TMEM132D: variants seen among roughly 807,000 people sequenced by gnomAD.
TMEM132D encodes transmembrane protein 132D, also known as mature OL transmembrane protein.
TMEM132D carries 21 observed loss-of-function variants against 62.3 expected under a neutral mutation model. The ratio of observed to expected loss-of-function variants is 0.34; its 90% CI spans 0.24 to 0.49. TMEM132D has a LOEUF of 0.49. Ranked by LOEUF, TMEM132D falls within the 20% of genes least tolerant of loss-of-function variation. The pLI is 0.99. For synonymous variants in TMEM132D, 621 were observed against 575.6 expected, an observed-to-expected ratio of 1.08 and a Z score of -1.13; for missense variants, 1,346 against 1,402.8, an observed-to-expected ratio of 0.96 and a Z score of 0.65.
intron 2 of TMEM132D, among the ~76,000 whole-genome samples, chr12:129,697,378 T>G (rs1881233739): frequency 6.6e-6 from 1 of 152,214 alleles, no homozygotes; most frequent in African/African-American, 2.4e-5. Flanking sequence ...ATTATAGGGA[T>G]TCAAGCTAAA....
intron 4 of TMEM132D, among the ~76,000 whole-genome samples, chr12:129,238,839 T>C (rs1406854458): frequency 6.6e-6 from 1 of 152,216 alleles, no homozygotes; most frequent in Non-Finnish European, 1.5e-5. Context: ...TTGGGATGTA[T>C]ACACAGATGT....
chr12:129,766,868 G>A (rs981315379), intron 1 of TMEM132D, among the ~76,000 whole-genome samples: 9 of 152,114 alleles, frequency 5.9e-5, no homozygotes, highest in African/African-American at 2.2e-4. Context: ...CATAAGAGAC[G>A]CCCACCAGTA....
chr12:129,459,860 A>G (rs1448342608), intron 3 of TMEM132D, among the ~76,000 whole-genome samples: 1 of 152,216 alleles, frequency 6.6e-6, no homozygotes, highest in African/African-American at 2.4e-5. Context: ...ACAGTAAAAC[A>G]TCAGTTTCTA....
At chr12:129,619,282 A>G (rs530967769) in intron 2 of TMEM132D, among the ~76,000 whole-genome samples, 95 of 152,284 alleles carry the variant, frequency 6.2e-4, no homozygotes, top group Non-Finnish European at 1.1e-3. Context: ...TTGGTGTACA[A>G]TGCATACATA....
chr12:129,872,493 T>G (rs568156182), intron 1 of TMEM132D, among the ~76,000 whole-genome samples: 2 of 152,222 alleles, frequency 1.3e-5, no homozygotes, highest in African/African-American at 4.8e-5. Context: ...GCTTTTCAAC[T>G]GACTGCAGAA....
intron 1 of TMEM132D, among the ~76,000 whole-genome samples, chr12:129,790,044 C>A (rs943943704): frequency 6.6e-6 from 1 of 152,138 alleles, no homozygotes; most frequent in African/African-American, 2.4e-5. Context: ...CGGGCTGCTT[C>A]GACGCCAGCA....
chr12:129,891,386 C>A (rs1407712506), intron 1 of TMEM132D, among the ~76,000 whole-genome samples: 1 of 152,200 alleles, frequency 6.6e-6, no homozygotes, highest in East Asian at 1.9e-4. Context: ...AGAGCAACAT[C>A]ATCAAAGAGC....
chr12:129,823,362 C>A (rs567444888), intron 1 of TMEM132D, among the ~76,000 whole-genome samples: 1 of 152,348 alleles, frequency 6.6e-6, no homozygotes, highest in South Asian at 2.1e-4. Context: ...TGCTGAAATT[C>A]CAGACTCCTA....
At chr12:129,604,378 T>G (rs1878561382) in intron 2 of TMEM132D, among the ~76,000 whole-genome samples, 1 of 152,124 alleles carries the variant, frequency 6.6e-6, no homozygotes, top group Non-Finnish European at 1.5e-5. Flanking sequence ...CACAGTTTAT[T>G]TATTTATTTA....
At chr12:129,205,591 G>C (rs1471720368) in intron 5 of TMEM132D, among the ~76,000 whole-genome samples, 2 of 152,040 alleles carry the variant, frequency 1.3e-5, no homozygotes, top group Non-Finnish European at 2.9e-5. Flanking sequence ...CCCATTGACA[G>C]TATTAGACAA....
At chr12:129,175,930 G>A (rs1877892320) in intron 5 of TMEM132D, among the ~76,000 whole-genome samples, 1 of 152,204 alleles carries the variant, frequency 6.6e-6, no homozygotes, top group African/African-American at 2.4e-5. Flanking sequence ...GTCTGGCAGA[G>A]TCCACATTAC....
chr12:129,214,590 T>C (rs1565999912), intron 4 of TMEM132D, among the ~76,000 whole-genome samples: 2 of 152,210 alleles, frequency 1.3e-5, no homozygotes, highest in African/African-American at 4.8e-5. Flanking sequence ...CTCTGACACA[T>C]TTCTGGCCCA....
intron 4 of TMEM132D, among the ~76,000 whole-genome samples, chr12:129,218,385 A>G (rs1879267186): frequency 6.6e-6 from 1 of 152,214 alleles, no homozygotes. Flanking sequence ...AAGGCAGAGC[A>G]TACTACACAC....
At chr12:129,289,454 G>T (rs1431180416) in intron 4 of TMEM132D, among the ~76,000 whole-genome samples, 1 of 149,332 alleles carries the variant, frequency 6.7e-6, no homozygotes, top group Non-Finnish European at 1.5e-5. Context: ...TGAGGAAGGA[G>T]AATCACTTGA....
intron 2 of TMEM132D, among the ~76,000 whole-genome samples, chr12:129,655,942 AC>A (rs953811758): frequency 3.9e-5 from 6 of 152,168 alleles, no homozygotes; most frequent in Non-Finnish European, 8.8e-5. Context: ...ACCTGAAGTG[AC>A]CAAACTTCTC....
At chr12:129,219,201 G>T (rs1329715410) in intron 4 of TMEM132D, among the ~76,000 whole-genome samples, 1 of 152,122 alleles carries the variant, frequency 6.6e-6, no homozygotes, top group Non-Finnish European at 1.5e-5. Context: ...GGAGGTAATT[G>T]AATCATGGGG....
Position 129,329,912 on chromosome 12 carries a change from G to A in TMEM132D, c.1299+7722C>T, listed in dbSNP as rs115859787. On this transcript the variant is annotated intron_variant, in intron 4 of 8. Coordinates refer to ENST00000422113, the MANE Select transcript of TMEM132D (RefSeq NM_133448.3). ...AGGAAGTTCATTTTATTTAAGAAGA[G>A]AAATGTACTTGATTCAGTGAAGCTT... 2.5e-3 allele frequency among the ~76,000 whole-genome samples: 375 copies of A among 152,252 alleles called. 2 individuals carry two copies. The highest frequency in any genetic ancestry group is 8.8e-3 in the African/African-American group (364 of 41,554).
At chr12:129,181,832 T>C (rs1878074942) in intron 5 of TMEM132D, among the ~76,000 whole-genome samples, 1 of 152,224 alleles carries the variant, frequency 6.6e-6, no homozygotes. Flanking sequence ...GACAATTCCA[T>C]CCTTTATTTG....
chr12:129,363,675 A>G (rs556932726), intron 3 of TMEM132D, among the ~76,000 whole-genome samples: 4 of 152,336 alleles, frequency 2.6e-5, no homozygotes, highest in African/African-American at 9.6e-5. Context: ...TGCCACGTCT[A>G]TGATCAATAC....
Sources: allele counts gnomAD v4.1 joint callset (sites outside exome capture counted in the v4.1 genomes callset), GRCh38; gene constraint gnomAD v4.1.1; transcripts MANE v1.5; gene names NCBI Gene and HGNC (gene_info 2026-07-23, HGNC 2026-07-21).